The following COG2 variants were observed in gnomAD, a reference collection of about 807,000 sequenced individuals.
COG2 encodes the protein component of oligomeric golgi complex 2.
COG2 carries 52 observed loss-of-function variants against 90.6 expected under a neutral mutation model. The ratio of observed to expected loss-of-function variants is 0.57; its 90% CI spans 0.46 to 0.72. The LOEUF is 0.72. COG2 is among the 30% of genes least tolerant of loss of function. COG2 has a pLI of 0.00. For synonymous variants in COG2, 337 were observed against 320.4 expected (o/e 1.05, Z -0.55); for missense variants, 829 against 891.2 (o/e 0.93, Z 0.89).
chr1:230,689,134 C>T (rs944020537), intron 15 of COG2, among the ~76,000 whole-genome samples: 1 of 152,044 alleles, frequency 6.6e-6, no homozygotes, highest in Non-Finnish European at 1.5e-5. Context: ...AGTTTGAGAC[C>T]AGCCTGGGCA....
At chr1:230,671,672 C>T (rs780078665) in intron 8 of COG2, 32 bp downstream of exon 8, 3 of 1,607,586 alleles carry the variant, frequency 1.9e-6, no homozygotes, top group Admixed American at 1.7e-5. Context: ...GGACCCCCAC[C>T]TCCCTTTCAG....
At chr1:230,672,023 CATCTT>C (rs1413580620) in intron 8 of COG2, among the ~76,000 whole-genome samples, 2 of 152,164 alleles carry the variant, frequency 1.3e-5, no homozygotes, top group African/African-American at 4.8e-5. Flanking sequence ...ATTGTGAACT[CATCTT>C]CAATTTTTCC....
At chr1:230,674,958 A>ATTTT (rs757921914) in intron 8 of COG2, 40 bp from the exon 9 acceptor site, 9 of 1,518,698 alleles carry the variant, frequency 5.9e-6, no homozygotes, top group Non-Finnish European at 8.0e-6. Flanking sequence ...TTGTAAGTAG[A>ATTTT]TTATGGTATA....
intron 17 of COG2, 71 bp from the exon 18 acceptor site, chr1:230,693,221 C>CT: frequency 1.1e-6 from 1 of 909,816 alleles, no homozygotes; most frequent in Non-Finnish European, 1.8e-6. Flanking sequence ...TGAAGATTTT[C>CT]TTTCTTTTTT....
At position 230,664,606 on chromosome 1, in the gene COG2, A is replaced by G. The variant is rs754649492; in HGVS notation, c.485+19A>G. 2.4e-6 allele frequency: 3 copies of G among 1,244,626 alleles called. No individual in the cohort carries two copies. Among genetic ancestry groups the G allele is most frequent in the Admixed American group, 4.5e-5 (2 of 43,976 alleles). The allele number at this position is 1,244,626 out of a possible 1,614,324, so 77.1% of individuals were successfully genotyped here. A position where few individuals can be genotyped will look rare whatever the true frequency, so the allele number is the denominator to read the frequency against. ...CAAGCAGGTAAGTATTTTTTATTAA[A>G]TAACTCGTAAATTAATACTTCACAT... On this transcript the variant is annotated intron_variant, in intron 5 of 17. Transcript: ENST00000366669.
chr1:230,689,299 T>G (rs1662964565), intron 15 of COG2, among the ~76,000 whole-genome samples: 1 of 152,262 alleles, frequency 6.6e-6, no homozygotes, highest in African/African-American at 2.4e-5. Flanking sequence ...AATTATTGTC[T>G]GATTTGAAGC....
intron 10 of COG2, chr1:230,681,422 C>T (rs1241858039): frequency 6.6e-6 from 1 of 152,156 alleles, no homozygotes; most frequent in Admixed American, 6.5e-5. Flanking sequence ...CTTTCCTGTT[C>T]CTGCACTCCT....
At chr1:230,683,535 A>G in intron 10 of COG2, 39 bp from the exon 11 acceptor site, 1 of 1,454,498 alleles carries the variant, frequency 6.9e-7, no homozygotes. Context: ...CATCTGTCAG[A>G]GTCATAAACA....
chr1:230,688,533 G>T lies in COG2; in HGVS notation c.1765G>T (p.Val589Phe). Residue 589 changes from valine to phenylalanine, a missense_variant, in exon 15 of 18, where the codon GTT becomes TTT. Coordinates refer to ENST00000366669, the MANE Select transcript of COG2 (RefSeq NM_007357.3). The stretch of plus-strand genomic sequence containing the variant: ...CGGTTTCCTAAAAAGCGCCCTGGAG[G>T]TTCCCAGGCTTTACCGAAGAACCAA... ...CFGFLKSALE[V>F]PRLYRRTNKE... 3 of 1,614,090 alleles carry T rather than the reference G, an allele frequency of 1.9e-6. No individual in the cohort carries two copies. The highest frequency in any genetic ancestry group is 2.5e-6 in the Non-Finnish European group (3 of 1,180,012).
chr1:230,642,875 A>G, intron 1 of COG2, 197 bp downstream of exon 1: 1 of 564,136 alleles, frequency 1.8e-6, no homozygotes, highest in Non-Finnish European at 3.1e-6. Context: ...GCACTTCTGT[A>G]AAATCGTGCG....
intron 1 of COG2, among the ~76,000 whole-genome samples, chr1:230,652,687 T>C (rs1661942243): frequency 6.6e-6 from 1 of 152,210 alleles, no homozygotes; most frequent in Non-Finnish European, 1.5e-5. Context: ...GCTCCATAAC[T>C]TCAGAAGCAT....
At chr1:230,680,824 G>A (rs1662726168) in intron 10 of COG2, 1 of 152,146 alleles carries the variant, frequency 6.6e-6, no homozygotes, top group Non-Finnish European at 1.5e-5. Flanking sequence ...TGAGTTGTTT[G>A]CTCTGAAGGA....
At chr1:230,671,891 T>C (rs565139756) in intron 8 of COG2, among the ~76,000 whole-genome samples, 1 of 152,362 alleles carries the variant, frequency 6.6e-6, no homozygotes, top group East Asian at 1.9e-4. Context: ...CTAGCCTTTC[T>C]TCTTCTCTGC....
chr1:230,667,307 T>A (rs1399790870), intron 5 of COG2, among the ~76,000 whole-genome samples: 1 of 152,206 alleles, frequency 6.6e-6, no homozygotes, highest in Non-Finnish European at 1.5e-5. Flanking sequence ...GTATGTTATA[T>A]TCAGTATAAT....
Position 230,652,190 on chromosome 1 carries a change from G to A in COG2, c.73-7274G>A, listed in dbSNP as rs117423473. ...CTGTCCATTCTTCCCCTCCTCTCCC[G>A]GCACCTTCAGCACCACCACCCTCCC... On this transcript the variant is annotated intron_variant, in intron 1 of 17. Coordinates refer to ENST00000366669, the MANE Select transcript of COG2 (RefSeq NM_007357.3). Among the ~76,000 whole-genome samples the A allele has an allele frequency of 1.0e-3, 75 of 73,338 alleles. No individual in the cohort carries two copies. In the East Asian group the frequency reaches 0.052, roughly 51 times the overall value. The allele number at this position is 73,338 out of a possible 152,430, so 48.1% of individuals were successfully genotyped here.
chr1:230,659,057 CA>C (rs1366430313), intron 1 of COG2, among the ~76,000 whole-genome samples: 2 of 151,904 alleles, frequency 1.3e-5, no homozygotes. Flanking sequence ...ATCTCTACAG[CA>C]TGAGAATTTC....
At chr1:230,684,724 G>C (rs1662844307) in intron 11 of COG2, among the ~76,000 whole-genome samples, 1 of 152,170 alleles carries the variant, frequency 6.6e-6, no homozygotes, top group Non-Finnish European at 1.5e-5. Flanking sequence ...TGTGAAATAG[G>C]ACAAATTTGA....
rs780650479 is a variant in COG2 at position 230,685,232 on chromosome 1, A to G, written c.1376A>G (p.Asn459Ser). The G allele has an allele frequency of 1.7e-5, 28 of 1,614,080 alleles. No individual in the cohort carries two copies. The highest frequency in any genetic ancestry group is 1.6e-4 in the Middle Eastern group (1 of 6,082). ...TTGGCACGATACTCTGTGTTTGTCA[A>G]TGAGGTAAGGGCTGGCTGTGGAGCT... Reference protein sequence around the residue: ...QILARYSVFVNELSLRPISNE... With the variant: ...QILARYSVFVSELSLRPISNE... Residue 459 changes from asparagine (N) to serine (S), a missense_variant, in exon 12 of 18, where the codon AAT (asparagine) becomes AGT (serine). Asn to Ser is a conservative substitution (Grantham distance 46). Transcript: ENST00000366669.
chr1:230,679,278 A>G (rs1201344304), intron 10 of COG2: 1 of 389,626 alleles, frequency 2.6e-6, no homozygotes, highest in Non-Finnish European at 4.6e-6. Flanking sequence ...TGGAGAGCTC[A>G]GAACACAAGA....
Sources: allele counts gnomAD v4.1 joint callset (sites outside exome capture counted in the v4.1 genomes callset), GRCh38; gene constraint gnomAD v4.1.1; transcripts MANE v1.5; gene names NCBI Gene and HGNC (gene_info 2026-07-23, HGNC 2026-07-21).